Variants in RAD23B observed in about 807,000 individuals in gnomAD.
RAD23B encodes lysine-specific demethylase RAD23B.
In RAD23B, 5 loss-of-function variants were observed where a neutral mutation model predicts 49.1. The ratio of observed to expected loss-of-function variants is 0.10; its 90% CI spans 0.05 to 0.21. RAD23B has a LOEUF of 0.21. Ranked by LOEUF, RAD23B falls within the 10% of genes least tolerant of loss-of-function variation. The probability of loss-of-function intolerance (pLI) is 1.00; values close to 1 mark genes in which losing one functional copy is unlikely to be tolerated. For synonymous variants in RAD23B, 184 were observed against 165.4 expected (o/e 1.11, Z -0.86); for missense variants, 356 against 486.7 (o/e 0.73, Z 2.53).
chr9:107,322,156 T>C, intron 7 of RAD23B, 38 bp downstream of exon 7: 2 of 1,538,078 alleles, frequency 1.3e-6, no homozygotes, highest in Non-Finnish European at 1.8e-6. Context: ...GGAATGGCCC[T>C]GAATTTTTAG....
At chr9:107,303,652 G>T (rs1240560803) in intron 3 of RAD23B, among the ~76,000 whole-genome samples, 1 of 152,090 alleles carries the variant, frequency 6.6e-6, no homozygotes, top group Non-Finnish European at 1.5e-5. Flanking sequence ...TTTGTGACTG[G>T]CTTATTTCAC....
intron 1 of RAD23B, chr9:107,284,836 C>G (rs144767198): frequency 9.8e-6 from 12 of 1,230,334 alleles, no homozygotes; most frequent in Non-Finnish European, 1.3e-5. Flanking sequence ...TTGCTATGAC[C>G]TTGGGCAAAT....
At chr9:107,293,860 T>TCCAA (rs1183769016) in intron 1 of RAD23B, among the ~76,000 whole-genome samples, 1 of 152,186 alleles carries the variant, frequency 6.6e-6, no homozygotes, top group Non-Finnish European at 1.5e-5. Context: ...TATAGCTCAC[T>TCCAA]CCAACCTTGA....
chr9:107,307,468 A>AT (rs1826802519), intron 4 of RAD23B, among the ~76,000 whole-genome samples: 1 of 152,220 alleles, frequency 6.6e-6, no homozygotes, highest in Admixed American at 6.5e-5. Flanking sequence ...CATGAGTTAT[A>AT]TTATGACCAG....
intron 9 of RAD23B, 113 bp downstream of exon 9, chr9:107,325,117 C>A (rs1827181064): frequency 2.1e-6 from 2 of 952,218 alleles, no homozygotes; most frequent in Admixed American, 5.1e-5. Flanking sequence ...GAGTTCAAGA[C>A]CAGCCTGGCC....
intron 4 of RAD23B, among the ~76,000 whole-genome samples, chr9:107,310,714 G>A (rs7856227): frequency 0.75 from 113,804 of 152,108 alleles, 43,526 homozygotes; most frequent in African/African-American, 0.92. Flanking sequence ...ATTAATCATA[G>A]TATTCTTATT....
intron 5 of RAD23B, 152 bp downstream of exon 5, chr9:107,311,889 G>A (rs1587857711): frequency 1.6e-6 from 1 of 626,496 alleles, no homozygotes; most frequent in East Asian, 3.3e-5. Context: ...AATTAATAGT[G>A]TTACTAAAGA....
Position 107,306,473 on chromosome 9 carries a change from C to A in RAD23B, c.323C>A (p.Ala108Asp). 1 of 1,614,198 alleles carries A rather than the reference C, an allele frequency of 6.2e-7. No homozygotes were observed. Among genetic ancestry groups the A allele is most frequent in the South Asian group, 1.1e-5 (1 of 91,088 alleles). ...AVTSSTTTTV[A>D]QAPTPVPALA... is the part of the protein sequence containing the mutation. Reference sequence around the variant, plus strand: ...ACTTCCTCCACCACCACAACTGTGGCTCAGGCTCCAACCCCTGTCCCTGCC... The same window carrying A: ...ACTTCCTCCACCACCACAACTGTGGATCAGGCTCCAACCCCTGTCCCTGCC... The change falls in exon 4 of 10, where the codon GCT (alanine) becomes GAT (aspartate). Residue 108 changes from alanine to aspartate, a missense_variant. Coordinates refer to ENST00000358015, the MANE Select transcript of RAD23B (RefSeq NM_002874.5).
intron 1 of RAD23B, among the ~76,000 whole-genome samples, chr9:107,293,843 A>T (rs909494409): frequency 1.3e-5 from 2 of 152,216 alleles, no homozygotes; most frequent in Non-Finnish European, 1.5e-5. Context: ...GAGTACGCTG[A>T]CAAGATTATA....
chr9:107,326,323 C>CAAAA (rs1238688263), intron 9 of RAD23B, among the ~76,000 whole-genome samples: 1 of 150,548 alleles, frequency 6.6e-6, no homozygotes, highest in Admixed American at 6.6e-5. Context: ...ACTAAAAATA[C>CAAAA]AAAAAAAATT....
Position 107,318,859 on chromosome 9 carries a change from G to A in RAD23B, c.661G>A (p.Ala221Thr). ...AGCCAGTTTCAACAACCCTGACAGA[G>A]CAGTGGAGTATCTTTTAATGGTGAG... is the stretch of plus-strand genomic sequence containing the variant. ...LRASFNNPDR[A>T]VEYLLMGIPG... Residue 221 changes from alanine to threonine, a missense_variant, in exon 6 of 10, where the codon GCA (alanine) becomes ACA (threonine). Around this residue, in one of 5 missense-constraint regions of RAD23B, gnomAD observed 148 missense variants for 231.7 expected, o/e 0.64. Transcript: ENST00000358015. The surrounding 1 kb of genome is among the most constrained non-coding windows in gnomAD (Gnocchi z 4.3). 6.2e-7 allele frequency: 1 copy of A among 1,613,316 alleles called. No homozygotes were observed. Among genetic ancestry groups the A allele is most frequent in the Non-Finnish European group, 8.5e-7 (1 of 1,179,472 alleles).
At chr9:107,305,390 C>T (rs977436841) in intron 3 of RAD23B, among the ~76,000 whole-genome samples, 1 of 152,152 alleles carries the variant, frequency 6.6e-6, no homozygotes, top group Non-Finnish European at 1.5e-5. Context: ...TCATCCTTGT[C>T]TTCACACTGA....
chr9:107,294,439 G>A (rs1409652761), intron 1 of RAD23B, among the ~76,000 whole-genome samples: 1 of 152,136 alleles, frequency 6.6e-6, no homozygotes, highest in Non-Finnish European at 1.5e-5. Context: ...CTGTTGAGAT[G>A]GCTTACTGGA....
chr9:107,314,208 A>G (rs1272182798), intron 5 of RAD23B, among the ~76,000 whole-genome samples: 1 of 152,162 alleles, frequency 6.6e-6, no homozygotes, highest in Non-Finnish European at 1.5e-5. Flanking sequence ...TTTAATTTTT[A>G]AAATTTGTAT....
At chr9:107,303,858 G>A (rs547683448) in intron 3 of RAD23B, among the ~76,000 whole-genome samples, 2 of 152,124 alleles carry the variant, frequency 1.3e-5, no homozygotes, top group Admixed American at 6.5e-5. Context: ...CAGTGATCCT[G>A]ACTGTTTAGA....
intron 1 of RAD23B, among the ~76,000 whole-genome samples, chr9:107,298,291 T>C (rs993961053): frequency 1.3e-5 from 2 of 152,090 alleles, no homozygotes; most frequent in East Asian, 1.9e-4. Flanking sequence ...AAAATAACTT[T>C]TGTCGATATG....
chr9:107,283,314 G>C lies in RAD23B; in HGVS notation c.-316G>C, dbSNP rs1157226917. On this transcript the variant is annotated 5_prime_UTR_variant, in exon 1 of 10. Coordinates refer to ENST00000358015, the MANE Select transcript of RAD23B (RefSeq NM_002874.5). The stretch of plus-strand genomic sequence containing the variant: ...GATGGCGGCCACCATCCTGTGGTGA[G>C]CTAGCGGATTCCCTGCTTGTCTCGC... 5 of 415,576 alleles carry C rather than the reference G, an allele frequency of 1.2e-5. No individual in the cohort carries two copies. Among genetic ancestry groups the C allele is most frequent in the Non-Finnish European group, 2.1e-5 (5 of 238,148 alleles). 25.7% of individuals were successfully genotyped at this position (415,576 alleles called of 1,614,324 possible). A position where few individuals can be genotyped will look rare whatever the true frequency, so the allele number is the denominator to read the frequency against.
intron 3 of RAD23B, among the ~76,000 whole-genome samples, chr9:107,302,925 G>A (rs977271611): frequency 2.0e-5 from 3 of 152,206 alleles, no homozygotes; most frequent in African/African-American, 7.2e-5. Flanking sequence ...CAAAGTGCTG[G>A]GATTACAGGC....
At chr9:107,287,316 A>G (rs1314183794) in intron 1 of RAD23B, among the ~76,000 whole-genome samples, 1 of 152,240 alleles carries the variant, frequency 6.6e-6, no homozygotes, top group Non-Finnish European at 1.5e-5. Flanking sequence ...TTAATCCTGC[A>G]GTCTAACTCT....
Sources: gnomAD v4.1 joint callset for allele counts (sites outside exome capture counted in the v4.1 genomes callset) on GRCh38, gnomAD v4.1.1 for gene constraint, gnomAD v4.1.1 regional missense constraint, Gnocchi (gnomAD v3.1) non-coding constraint, MANE v1.5 for transcripts, NCBI Gene and HGNC (gene_info 2026-07-23, HGNC 2026-07-21) for gene names.